Variants in CHL1 observed in about 807,000 individuals in gnomAD.
The protein encoded by CHL1 is cell adhesion molecule L1 like, also known as neural cell adhesion molecule L1-like protein.
In CHL1, 96 loss-of-function variants were observed where a neutral mutation model predicts 141.9. That is an observed-to-expected ratio of 0.68 (90% confidence interval 0.57 to 0.80). The LOEUF is 0.80. CHL1 is among the 30% of genes least tolerant of loss of function. The pLI is 0.00. For synonymous variants in CHL1, 613 were observed against 502.2 expected, an observed-to-expected ratio of 1.22 and a Z score of -2.95; for missense variants, 1,820 against 1,457.2, an observed-to-expected ratio of 1.25 and a Z score of -4.05.
At chr3:281,133 C>T (rs1221899911) in intron 2 of CHL1, among the ~76,000 whole-genome samples, 1 of 152,150 alleles carries the variant, frequency 6.6e-6, no homozygotes, top group Non-Finnish European at 1.5e-5. Context: ...TCCTACAACA[C>T]CCAGCATATC....
intron 4 of CHL1, among the ~76,000 whole-genome samples, chr3:327,556 T>G (rs1343512292): frequency 6.6e-6 from 1 of 151,972 alleles, no homozygotes; most frequent in African/African-American, 2.4e-5. Context: ...AATAAATATA[T>G]AGGGTTGTTT....
At chr3:327,792 A>G (rs985791244) in intron 4 of CHL1, among the ~76,000 whole-genome samples, 1 of 151,992 alleles carries the variant, frequency 6.6e-6, no homozygotes, top group Non-Finnish European at 1.5e-5. Context: ...TACTGGGCTT[A>G]TCTGTTTTGG....
intron 5 of CHL1, 151 bp downstream of exon 5, chr3:328,505 G>A: frequency 1.8e-6 from 1 of 543,898 alleles, no homozygotes; most frequent in Non-Finnish European, 3.0e-6. Flanking sequence ...TTTCCTCCAG[G>A]TCTTGATACT....
At chr3:380,304 A>C (rs752681254) in intron 16 of CHL1, among the ~76,000 whole-genome samples, 1 of 152,218 alleles carries the variant, frequency 6.6e-6, no homozygotes, top group Admixed American at 6.5e-5. Flanking sequence ...CTTTTTGTCA[A>C]TGTAAATTTC....
At chr3:341,020 T>A in intron 6 of CHL1, 104 bp downstream of exon 6, 1 of 1,252,124 alleles carries the variant, frequency 8.0e-7, no homozygotes, top group Non-Finnish European at 1.1e-6. Flanking sequence ...AAAGATCTCT[T>A]AATTTTTTCA....
chr3:363,892 C>G (rs984590565), intron 14 of CHL1: 1 of 152,204 alleles, frequency 6.6e-6, no homozygotes, highest in African/African-American at 2.4e-5. Context: ...TTGGGCTTCA[C>G]TGATATTTTG....
chr3:208,129 C>T (rs561048201), intron 1 of CHL1, among the ~76,000 whole-genome samples: 4 of 152,244 alleles, frequency 2.6e-5, no homozygotes, highest in East Asian at 1.9e-4. Flanking sequence ...TCCTGTTTTA[C>T]CAGCTGTAAA....
At chr3:377,148 G>A (rs765552842) in intron 15 of CHL1, among the ~76,000 whole-genome samples, 1 of 152,174 alleles carries the variant, frequency 6.6e-6, no homozygotes, top group African/African-American at 2.4e-5. Context: ...AAAAGGTGAA[G>A]TTTATAAAGA....
chr3:273,111 G>C (rs918167729), intron 2 of CHL1, among the ~76,000 whole-genome samples: 1 of 152,188 alleles, frequency 6.6e-6, no homozygotes, highest in Non-Finnish European at 1.5e-5. Flanking sequence ...GCAGGTGTAA[G>C]ACCCTAGGAA....
At position 377,501 on chromosome 3, in the gene CHL1, G is replaced by T. The variant is rs939306375; in HGVS notation, c.1752-317G>T. Among the ~76,000 whole-genome samples the T allele has an allele frequency of 2.0e-5, 3 of 152,214 alleles. No individual in the cohort carries two copies. In the East Asian group the frequency reaches 5.8e-4, roughly 29 times the overall value. ...TTAAGAATTACTCAAATATATCTTG[G>T]CCATTGTGAGGTATGATGCACTCTT... On this transcript the variant is annotated intron_variant, in intron 15 of 27. Transcript: ENST00000256509.
chr3:401,478 G>A (rs1575305492), intron 26 of CHL1, 148 bp from the exon 27 acceptor site: 4 of 566,222 alleles, frequency 7.1e-6, no homozygotes, highest in South Asian at 6.8e-5. Flanking sequence ...ATGGGCTGTA[G>A]GTATAGCCAG....
intron 15 of CHL1, 106 bp downstream of exon 15, chr3:366,221 A>G: frequency 9.0e-7 from 1 of 1,109,812 alleles, no homozygotes; most frequent in African/African-American, 1.6e-5. Context: ...TTGTAATCCC[A>G]GCACTTTGGG....
At chr3:308,121 G>A (rs953145595) in intron 2 of CHL1, among the ~76,000 whole-genome samples, 3 of 152,120 alleles carry the variant, frequency 2.0e-5, no homozygotes, top group Admixed American at 1.3e-4. Flanking sequence ...TTACTTTAAC[G>A]AGTATTTCAG....
chr3:367,184 G>C (rs1481882078), intron 15 of CHL1, among the ~76,000 whole-genome samples: 1 of 152,224 alleles, frequency 6.6e-6, no homozygotes, highest in Non-Finnish European at 1.5e-5. Flanking sequence ...ATATGAGAAA[G>C]TCAGCTTCGC....
At chr3:298,002 T>G (rs921869096) in intron 2 of CHL1, among the ~76,000 whole-genome samples, 1 of 152,218 alleles carries the variant, frequency 6.6e-6, no homozygotes, top group African/African-American at 2.4e-5. Flanking sequence ...GTGGTCATCT[T>G]GATAATCATT....
rs774392065 is a variant in CHL1 at position 197,942 on chromosome 3, C to G, written c.-175+879C>G. 2.1e-5 allele frequency: 8 copies of G among 381,904 alleles called. 1 individual carries two copies. Among genetic ancestry groups the G allele is most frequent in the South Asian group, 1.5e-4 (8 of 52,890 alleles). 23.7% of individuals were successfully genotyped at this position (381,904 alleles called of 1,614,324 possible). ...CGGAGAAAGTGATTAATTTGGGGAG[C>G]AGGGATTGGAGCCGGGAGGCTGGGG... On this transcript the variant is annotated intron_variant, in intron 1 of 27. Transcript: ENST00000256509.
chr3:392,087 C>T (rs1428543503), intron 23 of CHL1, among the ~76,000 whole-genome samples: 1 of 152,228 alleles, frequency 6.6e-6, no homozygotes, highest in Non-Finnish European at 1.5e-5. Context: ...GGAGACTACA[C>T]AGCCTACAAA....
intron 2 of CHL1, among the ~76,000 whole-genome samples, chr3:289,725 A>G (rs1004429683): frequency 2.6e-5 from 4 of 151,790 alleles, no homozygotes; most frequent in East Asian, 3.9e-4. Context: ...GATTTAATAC[A>G]TATCTTATTT....
intron 27 of CHL1, among the ~76,000 whole-genome samples, chr3:403,625 A>C (rs1413607217): frequency 6.6e-6 from 1 of 152,180 alleles, no homozygotes; most frequent in Non-Finnish European, 1.5e-5. Flanking sequence ...TTTTACAGGC[A>C]AGAAAACAAA....
Sources: allele counts gnomAD v4.1 joint callset (sites outside exome capture counted in the v4.1 genomes callset), GRCh38; gene constraint gnomAD v4.1.1; transcripts MANE v1.5; gene names NCBI Gene and HGNC (gene_info 2026-07-23, HGNC 2026-07-21).